The following SPATC1 variants were observed in gnomAD, a reference collection of about 807,000 sequenced individuals.
The protein encoded by SPATC1 is spermatogenesis and centriole associated 1, also known as speriolin.
SPATC1 carries 35 observed loss-of-function variants against 36.5 expected under a neutral mutation model. The ratio of observed to expected loss-of-function variants is 0.96; its 90% CI spans 0.73 to 1.27. SPATC1 has a LOEUF of 1.27. SPATC1 is among the 50% of genes most tolerant of loss of function. SPATC1 has a pLI of 0.00. For synonymous variants in SPATC1, 361 were observed against 353.6 expected, an observed-to-expected ratio of 1.02 and a Z score of -0.24; for missense variants, 779 against 796.0, an observed-to-expected ratio of 0.98 and a Z score of 0.26.
At chr8:144,011,167 G>A (rs1834279090), upstream of SPATC1, among the ~76,000 whole-genome samples, 1 of 152,076 alleles carries the variant, frequency 6.6e-6, no homozygotes, top group Non-Finnish European at 1.5e-5. This position sits in a 1 kb window ranked among gnomAD's most constrained non-coding sequence, Gnocchi z 4.5. Flanking sequence ...ATCACTGACT[G>A]CATCAACCCA....
At chr8:144,032,697 G>C (rs2133128847) in intron 1 of SPATC1, among the ~76,000 whole-genome samples, 1 of 152,098 alleles carries the variant, frequency 6.6e-6, no homozygotes, top group African/African-American at 2.4e-5. Context: ...GGTCATACTT[G>C]TTTGTTTAGT....
upstream of SPATC1, among the ~76,000 whole-genome samples, chr8:144,012,006 A>C (rs187447604): frequency 2.1e-4 from 32 of 152,306 alleles, no homozygotes; most frequent in African/African-American, 6.7e-4. Context: ...GTTTTCATTC[A>C]ACAAATATTT....
chr8:144,037,418 C>A (rs1346464614), intron 1 of SPATC1, among the ~76,000 whole-genome samples: 1 of 151,892 alleles, frequency 6.6e-6, no homozygotes, highest in Non-Finnish European at 1.5e-5. Flanking sequence ...GGATGGTTGC[C>A]GTGTCTGTGT....
At chr8:144,023,031 C>A (rs1309227806) in intron 1 of SPATC1, among the ~76,000 whole-genome samples, 2 of 135,728 alleles carry the variant, frequency 1.5e-5, no homozygotes, top group Non-Finnish European at 3.2e-5. Context: ...CCCTGAGGAA[C>A]CTCGTCCCTC....
At position 144,039,992 on chromosome 8, in the gene SPATC1, G is replaced by T. The variant is rs782625052; in HGVS notation, c.295G>T (p.Glu99Ter). 2.5e-6 allele frequency: 4 copies of T among 1,613,846 alleles called. No homozygotes were observed. The Admixed American group carries it at 6.7e-5, about 27-fold the overall frequency. The change falls in exon 2 of 5, where the codon GAG becomes TAG. Residue 99 changes from glutamate to a stop codon, truncating the protein, a stop_gained. Coordinates refer to ENST00000377470, the MANE Select transcript of SPATC1 (RefSeq NM_198572.3). LOFTEE classifies it high-confidence loss of function. ...VGIMALAPLAEMLTSLQPSAT... is the reference protein window; with the variant it reads ...VGIMALAPLA The stretch of plus-strand genomic sequence containing the variant: ...GATCATGGCCTTGGCACCCCTGGCC[G>T]AGATGCTAACCAGCTTGCAGCCCAG...
Position 144,040,779 on chromosome 8 carries a change from C to G in SPATC1, c.978C>G (p.Pro326=). The change falls in exon 3 of 5, where the codon CCC becomes CCG. Residue 326 remains proline (P), a synonymous_variant. Coordinates refer to ENST00000377470, the MANE Select transcript of SPATC1 (RefSeq NM_198572.3). The stretch of plus-strand genomic sequence containing the variant: ...TCCCTGCATCTGTCCCCACCTCCCC[C>G]ACCACCTCCCCCACGGTCACCGTCC... The part of the protein sequence containing the change: ...QVVPASVPTS[P]TTSPTVTVLA... 1 of 1,578,758 alleles carries G rather than the reference C, an allele frequency of 6.3e-7. No individual in the cohort carries two copies. The highest frequency in any genetic ancestry group is 8.6e-7 in the Non-Finnish European group (1 of 1,163,570).
At position 144,045,650 on chromosome 8, in the gene SPATC1, TCCACTTTAGAC is replaced by T. The variant is rs1231289062; in HGVS notation, c.1447-974_1447-964del. The stretch of plus-strand genomic sequence containing the variant: ...TTGGGCAGGGGATAGCCCACCCAAC[TCCACTTTAGAC>T]CCGTGGCTCTGTGGGCCTGTGCAGA... On this transcript the variant is annotated intron_variant, in intron 4 of 4. Coordinates refer to ENST00000377470, the MANE Select transcript of SPATC1 (RefSeq NM_198572.3). The surrounding 1 kb of genome is among the most constrained non-coding windows in gnomAD (Gnocchi z 5.2). Among the ~76,000 whole-genome samples, 4 of 152,122 alleles carry T rather than the reference TCCACTTTAGAC, an allele frequency of 2.6e-5. No individual in the cohort carries two copies. Among genetic ancestry groups the T allele is most frequent in the Non-Finnish European group, 5.9e-5 (4 of 68,016 alleles).
In SPATC1 at chr8:144,040,813, G is replaced by GC; in HGVS notation, c.1017dup (p.Ala340ArgfsTer31). The GC allele has an allele frequency of 2.0e-6, 3 of 1,463,998 alleles. No homozygotes were observed. Among genetic ancestry groups the GC allele is most frequent in the Non-Finnish European group, 2.7e-6 (3 of 1,110,134 alleles). 90.7% of individuals were successfully genotyped at this position (1,463,998 alleles called of 1,614,324 possible). A position where few individuals can be genotyped will look rare whatever the true frequency, so the allele number is the denominator to read the frequency against. On this transcript the variant is annotated frameshift_variant, in exon 3 of 5. Coordinates refer to ENST00000377470, the MANE Select transcript of SPATC1 (RefSeq NM_198572.3). LOFTEE classifies it high-confidence loss of function. ...CCCCACGGTCACCGTCCTTGCCTCT[G>GC]CCCCCGCCCTTGCCCCCCAGGTTGC...
At position 144,041,301 on chromosome 8, in the gene SPATC1, C is replaced by T. The variant is rs1554756017; in HGVS notation, c.1376C>T (p.Ser459Phe). 1 of 1,613,088 alleles carries T rather than the reference C, an allele frequency of 6.2e-7. No individual in the cohort carries two copies. Among genetic ancestry groups the T allele is most frequent in the Admixed American group, 1.7e-5 (1 of 60,000 alleles). Residue 459 changes from serine (S) to phenylalanine (F), a missense_variant, in exon 4 of 5, where the codon TCC (serine) becomes TTC (phenylalanine). By Grantham distance (155) the Ser-to-Phe change is radical (BLOSUM62 -2). Coordinates refer to ENST00000377470, the MANE Select transcript of SPATC1 (RefSeq NM_198572.3). ...IAFQLDRRIL[S>F]SIFPERVRLY... ...TTCCAGCTGGACCGCAGGATCCTGT[C>T]CAGCATCTTCCCAGAGCGCGTACGG... is the stretch of plus-strand genomic sequence containing the variant.
At chr8:144,031,558 A>G (rs1218358204) in intron 1 of SPATC1, among the ~76,000 whole-genome samples, 2 of 149,818 alleles carry the variant, frequency 1.3e-5, no homozygotes, top group African/African-American at 2.5e-5. Context: ...CTGTCTTTCA[A>G]CTGTCTGATT....
Position 144,018,921 on chromosome 8 carries a change from G to A in SPATC1, c.211+6195G>A, listed in dbSNP as rs1272869098. ...AGCAGGCATGGTGGCGGGCGCCTGT[G>A]GTCCCAGCTACTCAGGAGGCTGAGG... On this transcript the variant is annotated intron_variant, in intron 1 of 4. Coordinates refer to ENST00000377470, the MANE Select transcript of SPATC1 (RefSeq NM_198572.3). Among the ~76,000 whole-genome samples, 10 of 150,048 alleles carry A rather than the reference G, an allele frequency of 6.7e-5. 1 individual carries two copies. Among genetic ancestry groups the A allele is most frequent in the South Asian group, 6.4e-4 (3 of 4,694 alleles).
chr8:144,040,311 C>T lies in SPATC1; in HGVS notation c.614C>T (p.Thr205Ile), dbSNP rs958908243. 1.2e-6 allele frequency: 2 copies of T among 1,612,762 alleles called. No homozygotes were observed. Residue 205 changes from threonine to isoleucine, a missense_variant, in exon 2 of 5, where the codon ACC becomes ATC. By Grantham distance (89) the Thr-to-Ile change is moderately conservative. Transcript: ENST00000377470. ...LSSPLLSSTA[T>I]PPGVSQNLLA... is the part of the protein sequence containing the mutation. ...AGCCCCCTCCTCAGCTCCACTGCCA[C>T]CCCACCAGGGGTCTCTCAGAACCTG...
At chr8:144,033,381 A>G (rs1187731992) in intron 1 of SPATC1, among the ~76,000 whole-genome samples, 1 of 152,096 alleles carries the variant, frequency 6.6e-6, no homozygotes, top group Non-Finnish European at 1.5e-5. Context: ...CTGGGGCAAC[A>G]AGAGCGAGAC....
intron 1 of SPATC1, among the ~76,000 whole-genome samples, chr8:144,023,368 C>T (rs2133112369): frequency 6.8e-6 from 1 of 148,100 alleles, no homozygotes; most frequent in African/African-American, 2.4e-5. Context: ...TCCCTCAGAA[C>T]CCTTTCCCTA....
At chr8:144,043,895 G>C (rs1835184810) in intron 4 of SPATC1, among the ~76,000 whole-genome samples, 1 of 152,122 alleles carries the variant, frequency 6.6e-6, no homozygotes, top group South Asian at 2.1e-4. Context: ...GCTGAGCACG[G>C]GCACACGCCT....
chr8:144,041,078 A>C lies in SPATC1; in HGVS notation c.1277A>C (p.Lys426Thr). ...MEVERKLAHR[K>T]TSKFPENPRE... is the part of the protein sequence containing the mutation. ...GTGGAACGGAAGCTGGCCCACCGCA[A>C]GACCAGCAAGTTCCCCGAGAACCCC... is the stretch of plus-strand genomic sequence containing the variant. Residue 426 changes from lysine (K) to threonine (T), a missense_variant, in exon 3 of 5, where the codon AAG (lysine) becomes ACG (threonine). Coordinates refer to ENST00000377470, the MANE Select transcript of SPATC1 (RefSeq NM_198572.3). The C allele has an allele frequency of 1.9e-6, 3 of 1,589,664 alleles. No homozygotes were observed. The highest frequency in any genetic ancestry group is 2.6e-6 in the Non-Finnish European group (3 of 1,166,048).
At chr8:144,014,253 AAAAGAAGGAAAG>A (rs1554752823) in intron 1 of SPATC1, among the ~76,000 whole-genome samples, 1 of 149,552 alleles carries the variant, frequency 6.7e-6, no homozygotes, top group Non-Finnish European at 1.5e-5. Context: ...TTTTGAAAGA[AAAAGAAGGAAAG>A]AAAGAAAGAA....
At chr8:144,036,411 A>G (rs996644948) in intron 1 of SPATC1, among the ~76,000 whole-genome samples, 149 of 152,124 alleles carry the variant, frequency 9.8e-4, no homozygotes, top group Non-Finnish European at 1.8e-3. Flanking sequence ...CACAGCCCCA[A>G]CCTCCTGGGA....
At chr8:144,031,520 C>T (rs1028525663) in intron 1 of SPATC1, among the ~76,000 whole-genome samples, 10 of 148,234 alleles carry the variant, frequency 6.7e-5, no homozygotes, top group Non-Finnish European at 1.5e-4. Context: ...AACTCCTGGC[C>T]TCAAGCGATC....
Sources: gnomAD v4.1 joint callset for allele counts (sites outside exome capture counted in the v4.1 genomes callset) on GRCh38, gnomAD v4.1.1 for gene constraint, Gnocchi (gnomAD v3.1) non-coding constraint, MANE v1.5 for transcripts, NCBI Gene and HGNC (gene_info 2026-07-23, HGNC 2026-07-21) for gene names.